BCL7A: variants seen among roughly 807,000 people sequenced by gnomAD.
BCL7A encodes BAF chromatin remodeling complex subunit BCL7A, also known as B-cell CLL/lymphoma 7 protein family member A.
In BCL7A, 11 loss-of-function variants were observed where a neutral mutation model predicts 28.4. That is an observed-to-expected ratio of 0.39 (90% CI 0.24 to 0.64). The LOEUF (loss-of-function observed/expected upper bound fraction) is 0.64. BCL7A is among the 30% of genes least tolerant of loss of function. The pLI, the probability that BCL7A is intolerant of heterozygous loss-of-function variation, is 0.50. For missense variants in BCL7A, 222 were observed against 274.8 expected (o/e 0.81, Z 1.36); for synonymous variants, 123 against 103.3 (o/e 1.19, Z -1.15).
At chr12:122,023,871 C>T (rs1247602420) in intron 1 of BCL7A, among the ~76,000 whole-genome samples, 4 of 152,240 alleles carry the variant, frequency 2.6e-5, no homozygotes, top group Non-Finnish European at 5.9e-5. Flanking sequence ...GAACTGGTGT[C>T]TGTGCCTGGG....
intron 4 of BCL7A, chr12:122,044,329 C>T (rs1482834766): frequency 8.8e-6 from 3 of 341,406 alleles, no homozygotes; most frequent in African/African-American, 4.3e-5. Context: ...GGCAACATAG[C>T]AAGACCTCAT....
intron 1 of BCL7A, 127 bp downstream of exon 1, chr12:122,022,310 C>T (rs2135833000): frequency 2.3e-6 from 1 of 436,130 alleles, no homozygotes; most frequent in South Asian, 9.2e-5. Flanking sequence ...GGCCCCGGGA[C>T]TTGGCGAGGG....
At position 122,059,808 on chromosome 12, in the gene BCL7A, A is replaced by T. The variant is rs1192472046; in HGVS notation, c.*645A>T. 4.3e-6 allele frequency: 1 copy of T among 231,830 alleles called. No individual in the cohort carries two copies. The highest frequency in any genetic ancestry group is 5.6e-5 in the Admixed American group (1 of 17,732). The allele number at this position is 231,830 out of a possible 1,614,324, so 14.4% of individuals were successfully genotyped here. A position where few individuals can be genotyped will look rare whatever the true frequency, so the allele number is the denominator to read the frequency against. ...CTTAGGCACGCCCCAAGCACCAGGC[A>T]CCAGGGCCCAAGGACGCGCAGGTGT... is the stretch of plus-strand genomic sequence containing the variant. On this transcript the variant is annotated 3_prime_UTR_variant, in exon 6 of 6. Transcript: ENST00000261822. The surrounding 1 kb of genome is among the most constrained non-coding windows in gnomAD (Gnocchi z 4.0).
chr12:122,033,136 G>T (rs1883777448), intron 2 of BCL7A, among the ~76,000 whole-genome samples: 1 of 144,786 alleles, frequency 6.9e-6, no homozygotes, highest in Non-Finnish European at 1.5e-5. Flanking sequence ...TATCATAGAA[G>T]TCACTTTTTT....
At chr12:122,035,258 C>T in intron 2 of BCL7A, 73 bp from the exon 3 acceptor site, 1 of 1,381,402 alleles carries the variant, frequency 7.2e-7, no homozygotes, top group Non-Finnish European at 1.0e-6. Flanking sequence ...CACACCACTC[C>T]CCAGGGGCTC....
chr12:122,021,917 T>TGG lies in BCL7A; in HGVS notation c.-174_-173insGG. The TGG allele has an allele frequency of 1.0e-5, 3 of 289,582 alleles. No individual in the cohort carries two copies. The highest frequency in any genetic ancestry group is 5.1e-5 in the East Asian group (1 of 19,662). The allele number at this position is 289,582 out of a possible 1,614,324, so 17.9% of individuals were successfully genotyped here. A position where few individuals can be genotyped will look rare whatever the true frequency, so the allele number is the denominator to read the frequency against. ...CCAGGCGCGCGGCGGCCCCGGGCTTTGTGTGTGTGTGTATGTGTGTGTGTG... is the reference window on the plus strand; with the variant it reads ...CCAGGCGCGCGGCGGCCCCGGGCTTTGGGTGTGTGTGTGTATGTGTGTGTGTG... On this transcript the variant is annotated 5_prime_UTR_variant, in exon 1 of 6. Coordinates refer to ENST00000261822, the MANE Select transcript of BCL7A (RefSeq NM_001024808.3).
At chr12:122,042,977 CT>C (rs1883990048) in intron 3 of BCL7A, among the ~76,000 whole-genome samples, 1 of 150,652 alleles carries the variant, frequency 6.6e-6, no homozygotes, top group South Asian at 2.1e-4. Flanking sequence ...TCCTAGCTTT[CT>C]TTATTCTAAA....
chr12:122,043,008 C>CTT (rs1247246256), intron 3 of BCL7A, among the ~76,000 whole-genome samples: 2 of 145,214 alleles, frequency 1.4e-5, no homozygotes, highest in Admixed American at 6.9e-5. Context: ...CCTCCCCCAA[C>CTT]TTTTTTTTTT....
intron 3 of BCL7A, among the ~76,000 whole-genome samples, chr12:122,038,103 A>T (rs1883892337): frequency 6.7e-6 from 1 of 149,312 alleles, no homozygotes; most frequent in African/African-American, 2.5e-5. Flanking sequence ...CCCAGGCAAC[A>T]GGGTGAGACT....
chr12:122,038,638 G>A lies in BCL7A; in HGVS notation c.271+3211G>A, dbSNP rs191270974. 5.9e-5 allele frequency among the ~76,000 whole-genome samples: 9 copies of A among 152,096 alleles called. No individual in the cohort carries two copies. In the East Asian group the frequency reaches 1.6e-3, roughly 26 times the overall value. Reference sequence around the variant, plus strand: ...TGGGGACTGGGGAGACCCCACGCCCGACTCAGGACTGAGGTTGGATTACAG... The same window carrying A: ...TGGGGACTGGGGAGACCCCACGCCCAACTCAGGACTGAGGTTGGATTACAG... On this transcript the variant is annotated intron_variant, in intron 3 of 5. Coordinates refer to ENST00000261822, the MANE Select transcript of BCL7A (RefSeq NM_001024808.3).
At chr12:122,030,275 G>A (rs962046456) in intron 1 of BCL7A, among the ~76,000 whole-genome samples, 4 of 152,320 alleles carry the variant, frequency 2.6e-5, no homozygotes, top group African/African-American at 7.2e-5. Flanking sequence ...GAGGAGCCCC[G>A]GGGTGTCCTT....
chr12:122,022,294 G>T (rs1883481429), intron 1 of BCL7A, 111 bp downstream of exon 1: 1 of 570,976 alleles, frequency 1.8e-6, no homozygotes, highest in Non-Finnish European at 2.2e-6. Flanking sequence ...GCCCAGCCCC[G>T]CCGCGGGCCC....
At chr12:122,054,248 C>T (rs967072175) in intron 4 of BCL7A, among the ~76,000 whole-genome samples, 17 of 152,050 alleles carry the variant, frequency 1.1e-4, no homozygotes, top group African/African-American at 3.6e-4. Context: ...CCACCACGCC[C>T]GGCTAATTTT....
At chr12:122,056,711 C>T (rs1177531799) in intron 5 of BCL7A, among the ~76,000 whole-genome samples, 4 of 152,060 alleles carry the variant, frequency 2.6e-5, no homozygotes, top group African/African-American at 9.7e-5. Flanking sequence ...GAGGCTGAGG[C>T]GGGAGGATTG....
chr12:122,023,245 T>C (rs1883516441), intron 1 of BCL7A, among the ~76,000 whole-genome samples: 1 of 152,302 alleles, frequency 6.6e-6, no homozygotes, highest in South Asian at 2.1e-4. Context: ...TCAACTTTAT[T>C]ATTTTTTTCC....
At chr12:122,045,966 G>A (rs1370458502) in intron 4 of BCL7A, among the ~76,000 whole-genome samples, 1 of 146,798 alleles carries the variant, frequency 6.8e-6, no homozygotes, top group Non-Finnish European at 1.5e-5. Flanking sequence ...GCATGCGCCT[G>A]TAGTCCCAGG....
intron 1 of BCL7A, among the ~76,000 whole-genome samples, chr12:122,025,201 C>A (rs1183492944): frequency 1.3e-5 from 2 of 152,034 alleles, no homozygotes; most frequent in African/African-American, 2.4e-5. Context: ...GCTTGGGCTG[C>A]AGCGTAAGCT....
At chr12:122,028,359 T>A (rs983750400) in intron 1 of BCL7A, among the ~76,000 whole-genome samples, 1 of 152,010 alleles carries the variant, frequency 6.6e-6, no homozygotes, top group African/African-American at 2.4e-5. Flanking sequence ...AAAGCCCAGA[T>A]CTCTGGCACA....
rs547463948 is a variant in BCL7A, at chr12:122,046,455, G to T, written c.439+2402G>T. Among the ~76,000 whole-genome samples the T allele has an allele frequency of 2.4e-4, 37 of 152,296 alleles. 1 individual carries two copies. In the South Asian group the frequency reaches 6.8e-3, roughly 28 times the overall value. On this transcript the variant is annotated intron_variant, in intron 4 of 5. Transcript: ENST00000261822. ...CTGTCCCCTGCTGCAGAGCTGATCC[G>T]CACCCCTGTGCAAGGAGGCTCTGGG... is the stretch of plus-strand genomic sequence containing the variant.
Sources: allele counts gnomAD v4.1 joint callset (sites outside exome capture counted in the v4.1 genomes callset), GRCh38; gene constraint gnomAD v4.1.1; non-coding constraint Gnocchi (gnomAD v3.1); transcripts MANE v1.5; gene names NCBI Gene and HGNC (gene_info 2026-07-23, HGNC 2026-07-21).